Variants in RBM19 observed in about 807,000 individuals in gnomAD.
RBM19 encodes the protein probable RNA-binding protein 19.
A neutral mutation model predicts 116.8 loss-of-function variants in RBM19; 94 were observed. The ratio of observed to expected loss-of-function variants is 0.80; its 90% CI spans 0.68 to 0.95. The LOEUF is 0.95. RBM19 is among the 40% of genes least tolerant of loss of function. The pLI is 0.00. For synonymous variants in RBM19, 475 were observed against 494.1 expected (o/e 0.96, Z 0.51); for missense variants, 1,161 against 1,220.7 (o/e 0.95, Z 0.73).
At chr12:113,820,230 T>C (rs1218628898), downstream of RBM19, among the ~76,000 whole-genome samples, 1 of 117,300 alleles carries the variant, frequency 8.5e-6, no homozygotes, top group East Asian at 2.3e-4. Context: ...ATAACACTAG[T>C]GATAACTGAT....
At chr12:113,852,541 C>T (rs143452743) in intron 22 of RBM19, among the ~76,000 whole-genome samples, 10 of 152,294 alleles carry the variant, frequency 6.6e-5, no homozygotes, top group East Asian at 3.9e-4. Flanking sequence ...AATTTGCTTT[C>T]GGTTAACATT....
intron 21 of RBM19, among the ~76,000 whole-genome samples, chr12:113,908,652 A>C (rs116466989): frequency 0.016 from 2,385 of 145,334 alleles, 72 homozygotes; most frequent in African/African-American, 0.055. Context: ...CCAGCCTGCA[A>C]TTGCTGCCTG....
intron 18 of RBM19, among the ~76,000 whole-genome samples, chr12:113,922,208 C>G (rs1868637918): frequency 6.6e-6 from 1 of 152,192 alleles, no homozygotes; most frequent in Admixed American, 6.5e-5. Context: ...GTAGAGCCCA[C>G]TTCCTGGACA....
chr12:113,960,013 AC>A, intron 3 of RBM19, 45 bp downstream of exon 3: 4 of 1,614,006 alleles, frequency 2.5e-6, no homozygotes, highest in Non-Finnish European at 3.4e-6. Flanking sequence ...GTGAGTGACT[AC>A]CCTGCTGGCA....
chr12:113,908,707 T>A (rs914582443), intron 21 of RBM19, among the ~76,000 whole-genome samples: 2 of 148,406 alleles, frequency 1.3e-5, no homozygotes, highest in African/African-American at 4.9e-5. Flanking sequence ...TCCAGGGCGA[T>A]AAGTGAAGCT....
intron 20 of RBM19, among the ~76,000 whole-genome samples, chr12:113,917,922 C>G (rs2135858771): frequency 6.6e-6 from 1 of 152,306 alleles, no homozygotes; most frequent in South Asian, 2.1e-4. Context: ...TCTCTAACAC[C>G]TACGGAATCT....
At chr12:113,928,417 T>TACACACACAC (rs3066401) in intron 16 of RBM19, among the ~76,000 whole-genome samples, 14,156 of 136,090 alleles carry the variant, frequency 0.1, 834 homozygotes, top group Middle Eastern at 0.15. Flanking sequence ...TACATGTGCA[T>TACACACACAC]ACACACACAC....
chr12:113,960,700 G>T (rs1187419477), intron 2 of RBM19, among the ~76,000 whole-genome samples: 1 of 152,168 alleles, frequency 6.6e-6, no homozygotes, highest in East Asian at 1.9e-4. Context: ...ACCAGGCTCT[G>T]GGCAGGGTAA....
chr12:113,960,025 G>A, intron 3 of RBM19, 34 bp downstream of exon 3: 1 of 1,614,170 alleles, frequency 6.2e-7, no homozygotes, highest in Non-Finnish European at 8.5e-7. Flanking sequence ...CCTGCTGGCA[G>A]TGGGGACAGA....
chr12:113,863,216 T>C (rs2384292), intron 21 of RBM19, among the ~76,000 whole-genome samples: 6 of 147,496 alleles, frequency 4.1e-5, no homozygotes, highest in Non-Finnish European at 7.5e-5. Flanking sequence ...TGTGTCTGTG[T>C]GTGTGTGTGT....
intron 20 of RBM19, among the ~76,000 whole-genome samples, chr12:113,917,970 T>C (rs1211226305): frequency 6.6e-6 from 1 of 152,188 alleles, no homozygotes; most frequent in Non-Finnish European, 1.5e-5. Flanking sequence ...GGCACTGCCA[T>C]TCAGCTCTAA....
chr12:113,963,924 T>C (rs2135948347), intron 1 of RBM19, among the ~76,000 whole-genome samples: 1 of 152,342 alleles, frequency 6.6e-6, no homozygotes. Context: ...TAACTCCTCA[T>C]TCTCAGTTCA....
At chr12:113,941,584 A>ACCATCCAT (rs369630299) in intron 14 of RBM19, among the ~76,000 whole-genome samples, 2 of 141,126 alleles carry the variant, frequency 1.4e-5, no homozygotes, top group Non-Finnish European at 3.2e-5. Flanking sequence ...GTATTCATCC[A>ACCATCCAT]CCATCCATCC....
At chr12:113,962,495 C>T in intron 1 of RBM19, 81 bp from the exon 2 acceptor site, 1 of 1,403,000 alleles carries the variant, frequency 7.1e-7, no homozygotes, top group African/African-American at 1.4e-5. Context: ...AACCTGAGGC[C>T]ACGAGATTCT....
intron 21 of RBM19, among the ~76,000 whole-genome samples, chr12:113,907,269 T>C (rs12305258): frequency 0.087 from 13,297 of 152,186 alleles, 1,979 homozygotes; most frequent in African/African-American, 0.3. Flanking sequence ...TGTTCATTTG[T>C]TTACTGCCCC....
chr12:113,929,659 C>A (rs754183947), intron 16 of RBM19, among the ~76,000 whole-genome samples: 1 of 152,204 alleles, frequency 6.6e-6, no homozygotes. Context: ...GATATTTCCA[C>A]CCAGCTGGCC....
At chr12:113,846,543 C>T (rs1432450064) in intron 22 of RBM19, among the ~76,000 whole-genome samples, 2 of 152,012 alleles carry the variant, frequency 1.3e-5, no homozygotes, top group African/African-American at 4.8e-5. Flanking sequence ...ATGGCAAATG[C>T]CGTGGGGAGA....
rs772853054 is a variant in RBM19 at position 113,918,378 on chromosome 12, CACTGAAG to C, written c.2441+7_2441+13del. The C allele has an allele frequency of 1.6e-5, 26 of 1,614,148 alleles. No homozygotes were observed. The highest frequency in any genetic ancestry group is 2.2e-5 in the East Asian group (1 of 44,886). ...CAGCTCGTAGGAAAGGAAATGAGGA[CACTGAAG>C]ACTCACTTAGTGGCTCGTTCCGAGA... is the stretch of plus-strand genomic sequence containing the variant. On this transcript the variant is annotated splice_region_variant and intron_variant, in intron 20 of 23. Coordinates refer to ENST00000261741, the MANE Select transcript of RBM19 (RefSeq NM_016196.4).
intron 8 of RBM19, among the ~76,000 whole-genome samples, chr12:113,951,781 A>G (rs1871491215): frequency 6.6e-6 from 1 of 152,222 alleles, no homozygotes; most frequent in Admixed American, 6.5e-5. Flanking sequence ...ACCATCCCTC[A>G]AGCACACTTT....
Sources: allele counts gnomAD v4.1 joint callset (sites outside exome capture counted in the v4.1 genomes callset), GRCh38; gene constraint gnomAD v4.1.1; transcripts MANE v1.5; gene names NCBI Gene and HGNC (gene_info 2026-07-23, HGNC 2026-07-21).